BLVRA: variants seen among roughly 807,000 people sequenced by gnomAD.
BLVRA encodes biliverdin reductase A.
BLVRA carries 22 observed loss-of-function variants against 32.8 expected under a neutral mutation model. The ratio of observed to expected loss-of-function variants is 0.67; its 90% CI spans 0.48 to 0.96. The LOEUF is 0.96. BLVRA is among the 40% of genes least tolerant of loss of function. The pLI, the probability that BLVRA is intolerant of heterozygous loss-of-function variation, is 0.00. For synonymous variants in BLVRA, 119 were observed against 141.3 expected, an observed-to-expected ratio of 0.84 and a Z score of 1.12; for missense variants, 323 against 358.1, an observed-to-expected ratio of 0.90 and a Z score of 0.79.
intron 4 of BLVRA, 56 bp downstream of exon 4, chr7:43,791,424 A>G: frequency 6.2e-7 from 1 of 1,603,736 alleles, no homozygotes; most frequent in Non-Finnish European, 8.5e-7. Context: ...TACTGCAAAA[A>G]TGAGCAAGCA....
At chr7:43,758,906 C>T (rs1047258857) in intron 1 of BLVRA, among the ~76,000 whole-genome samples, 172 bp downstream of exon 1, 1 of 151,954 alleles carries the variant, frequency 6.6e-6, no homozygotes, top group South Asian at 2.1e-4. Flanking sequence ...CCGCCCCGCC[C>T]GGGCCCGGAG....
Position 43,807,323 on chromosome 7 carries a change from A to T in BLVRA, c.*88A>T. ...CCATTATCTCTATTCTTAAAATTAA[A>T]CATGTTGGGGAAACAAGAATCTTAT... On this transcript the variant is annotated 3_prime_UTR_variant, in exon 8 of 8. Coordinates refer to ENST00000265523, the MANE Select transcript of BLVRA (RefSeq NM_000712.4). 1 of 1,569,152 alleles carries T rather than the reference A, an allele frequency of 6.4e-7. No homozygotes were observed. Among genetic ancestry groups the T allele is most frequent in the Admixed American group, 1.7e-5 (1 of 59,880 alleles).
Position 43,793,209 on chromosome 7 carries a change from C to T in BLVRA, c.352+397C>T, listed in dbSNP as rs1225635831. Among the ~76,000 whole-genome samples, 3 of 152,032 alleles carry T rather than the reference C, an allele frequency of 2.0e-5. No individual in the cohort carries two copies. The East Asian group carries it at 5.8e-4, about 29-fold the overall frequency. On this transcript the variant is annotated intron_variant, in intron 5 of 7. Transcript: ENST00000265523. ...GTTTGTAGTTTTTGTTGTTTCTAAA[C>T]AGGAATAACCATTTATTAAATATTT...
In BLVRA at chr7:43,779,887, T is replaced by C. The variant is rs17245883; in HGVS notation, c.13-8017T>C. On this transcript the variant is annotated intron_variant, in intron 2 of 7. Coordinates refer to ENST00000265523, the MANE Select transcript of BLVRA (RefSeq NM_000712.4). ...TTTTATATTTTTTTTCTTTTTCTTT[T>C]TTTTTGAGATAGAGCCTCATTCTGT... Among the ~76,000 whole-genome samples, 603 of 152,094 alleles carry C rather than the reference T, an allele frequency of 4.0e-3. 4 individuals carry two copies. Among genetic ancestry groups the C allele is most frequent in the African/African-American group, 0.014 (574 of 41,488 alleles).
intron 2 of BLVRA, among the ~76,000 whole-genome samples, chr7:43,781,157 AATT>A (rs1477620926): frequency 6.6e-6 from 1 of 152,138 alleles, no homozygotes; most frequent in Non-Finnish European, 1.5e-5. Flanking sequence ...AAAAAAAAAA[AATT>A]ATATGCAGTA....
chr7:43,804,570 TC>T (rs2095802165), intron 7 of BLVRA, among the ~76,000 whole-genome samples: 1 of 152,148 alleles, frequency 6.6e-6, no homozygotes, highest in Admixed American at 6.5e-5. Context: ...ATCCACCTAC[TC>T]CCTAGACCCT....
intron 3 of BLVRA, among the ~76,000 whole-genome samples, chr7:43,790,468 C>A (rs1283466656): frequency 6.6e-6 from 1 of 152,078 alleles, no homozygotes; most frequent in Non-Finnish European, 1.5e-5. Flanking sequence ...CACACACACA[C>A]ACAAACATGT....
At position 43,787,953 on chromosome 7, in the gene BLVRA, C is replaced by T; in HGVS notation, c.62C>T (p.Ser21Phe). The T allele has an allele frequency of 3.1e-6, 5 of 1,614,192 alleles. No individual in the cohort carries two copies. The highest frequency in any genetic ancestry group is 4.2e-6 in the Non-Finnish European group (5 of 1,180,048). Reference protein sequence around the residue: ...VVVVGVGRAGSVRMRDLRNPH... With the variant: ...VVVVGVGRAGFVRMRDLRNPH... ...GTGGTTGGTGTTGGCCGAGCCGGCT[C>T]CGTGCGGATGAGGGACTTGCGGAAT... Residue 21 changes from serine (S) to phenylalanine (F), a missense_variant, in exon 3 of 8, where the codon TCC becomes TTC. Transcript: ENST00000265523. This position sits in a 1 kb window ranked among gnomAD's most constrained non-coding sequence, Gnocchi z 4.5.
chr7:43,781,439 C>G (rs1198107199), intron 2 of BLVRA, among the ~76,000 whole-genome samples: 1 of 152,108 alleles, frequency 6.6e-6, no homozygotes, highest in African/African-American at 2.4e-5. Flanking sequence ...CTCGGCCTCC[C>G]GTTTCAAGCA....
intron 1 of BLVRA, among the ~76,000 whole-genome samples, chr7:43,762,246 AG>A (rs777972421): frequency 2.6e-5 from 4 of 152,080 alleles, no homozygotes; most frequent in Admixed American, 2.6e-4. Flanking sequence ...TGGGGTAGGA[AG>A]GTGTCCTGTG....
chr7:43,758,365 G>T (rs2095738376), upstream of BLVRA, among the ~76,000 whole-genome samples: 1 of 151,968 alleles, frequency 6.6e-6, no homozygotes, highest in Non-Finnish European at 1.5e-5. Flanking sequence ...ACACCGTGAG[G>T]GGGCCAGGCA....
Position 43,793,943 on chromosome 7 carries a change from A to G in BLVRA, c.352+1131A>G, listed in dbSNP as rs60589540. ...GGCATACAAAATTTTTAATTACAAG[A>G]AAAAAAAAAAAAGACTCAGCTGGGC... is the stretch of plus-strand genomic sequence containing the variant. On this transcript the variant is annotated intron_variant, in intron 5 of 7. Coordinates refer to ENST00000265523, the MANE Select transcript of BLVRA (RefSeq NM_000712.4). 4.2e-4 allele frequency among the ~76,000 whole-genome samples: 32 copies of G among 76,766 alleles called. No homozygotes were observed. The East Asian group carries it at 7.9e-3, about 19-fold the overall frequency. 50.4% of individuals were successfully genotyped at this position (76,766 alleles called of 152,430 possible).
chr7:43,779,011 C>G (rs138692487), intron 2 of BLVRA, among the ~76,000 whole-genome samples: 206 of 152,358 alleles, frequency 1.4e-3, no homozygotes, highest in African/African-American at 4.7e-3. Context: ...GTTGGAAAAG[C>G]GCAGTATTAG....
chr7:43,772,861 ATT>A (rs1334650692), intron 2 of BLVRA, among the ~76,000 whole-genome samples: 1 of 152,198 alleles, frequency 6.6e-6, no homozygotes, highest in Non-Finnish European at 1.5e-5. Flanking sequence ...ACACACAGGG[ATT>A]ATGGGGATTA....
At chr7:43,802,986 G>T (rs1308395535) in intron 6 of BLVRA, among the ~76,000 whole-genome samples, 1 of 152,086 alleles carries the variant, frequency 6.6e-6, no homozygotes, top group Non-Finnish European at 1.5e-5. Context: ...CACCCACCTT[G>T]GCCTCCCAAA....
chr7:43,779,700 C>T (rs2095766484), intron 2 of BLVRA, among the ~76,000 whole-genome samples: 1 of 152,068 alleles, frequency 6.6e-6, no homozygotes, highest in Non-Finnish European at 1.5e-5. Context: ...TCTAAAGAAA[C>T]AATAGAAGCT....
intron 1 of BLVRA, among the ~76,000 whole-genome samples, chr7:43,770,533 A>T (rs1189427047): frequency 1.3e-5 from 2 of 151,468 alleles, no homozygotes; most frequent in East Asian, 3.9e-4. Context: ...AAAGTTGAGG[A>T]CCCCTGTTAA....
chr7:43,779,704 A>G (rs892150632), intron 2 of BLVRA, among the ~76,000 whole-genome samples: 4 of 152,140 alleles, frequency 2.6e-5, no homozygotes, highest in Non-Finnish European at 5.9e-5. Context: ...AAGAAACAAT[A>G]GAAGCTTTGC....
intron 1 of BLVRA, among the ~76,000 whole-genome samples, chr7:43,765,212 T>G (rs538032363): frequency 5.6e-4 from 85 of 152,314 alleles, no homozygotes; most frequent in African/African-American, 2.0e-3. Context: ...TATTTGTCAT[T>G]ATGCAATAAT....
Sources: allele counts gnomAD v4.1 joint callset (sites outside exome capture counted in the v4.1 genomes callset), GRCh38; gene constraint gnomAD v4.1.1; non-coding constraint Gnocchi (gnomAD v3.1); transcripts MANE v1.5; gene names NCBI Gene and HGNC (gene_info 2026-07-23, HGNC 2026-07-21).